H3-3A: variants seen among roughly 807,000 people sequenced by gnomAD.
The protein encoded by H3-3A is histone H3.3.
For synonymous variants in H3-3A, 49 were observed against 61.4 expected (o/e 0.80, Z 0.95); for missense variants, 7 against 184.0 (o/e 0.04, Z 5.57).
intron 2 of H3-3A, among the ~76,000 whole-genome samples, chr1:226,065,196 G>A (rs988993923): frequency 7.2e-5 from 11 of 152,218 alleles, no homozygotes; most frequent in Non-Finnish European, 1.5e-4. Flanking sequence ...TGTAGTCAGG[G>A]TAGAGGTATT....
At chr1:226,071,019 G>A (rs535923479) in intron 3 of H3-3A, among the ~76,000 whole-genome samples, 23 of 152,166 alleles carry the variant, frequency 1.5e-4, no homozygotes, top group Non-Finnish European at 3.1e-4. Flanking sequence ...AAGAATGAGA[G>A]TGTTAAATTG....
Position 226,065,671 on chromosome 1 carries a change from G to T in H3-3A, c.144G>T (p.Ala48=). The change falls in exon 3 of 4, where the codon GCG becomes GCT. Residue 48 remains alanine (A), a synonymous_variant. Coordinates refer to ENST00000366815, the MANE Select transcript of H3-3A (RefSeq NM_002107.7). ...TTTTTTAAAGGCCTGGTACTGTGGCGCTCCGTGAAATTAGACGTTATCAGA... is the reference window on the plus strand; with the variant it reads ...TTTTTTAAAGGCCTGGTACTGTGGCTCTCCGTGAAATTAGACGTTATCAGA... ...KPHRYRPGTV[A]LREIRRYQKS... The T allele has an allele frequency of 6.2e-7, 1 of 1,603,646 alleles. No homozygotes were observed. Among genetic ancestry groups the T allele is most frequent in the Non-Finnish European group, 8.5e-7 (1 of 1,172,646 alleles).
intron 2 of H3-3A, among the ~76,000 whole-genome samples, chr1:226,064,776 G>C (rs1472983142): frequency 6.6e-6 from 1 of 152,132 alleles, no homozygotes; most frequent in African/African-American, 2.4e-5. Flanking sequence ...TTAACTATTA[G>C]TAATTCTTTA....
intron 3 of H3-3A, among the ~76,000 whole-genome samples, chr1:226,071,005 T>TTA (rs1472569149): frequency 1.3e-5 from 2 of 152,150 alleles, no homozygotes; most frequent in African/African-American, 4.8e-5. Flanking sequence ...ATGATTGCGT[T>TTA]TATAAGAATG....
At position 226,064,333 on chromosome 1, in the gene H3-3A, G is replaced by C; in HGVS notation, c.-19G>C. The C allele has an allele frequency of 6.2e-7, 1 of 1,606,948 alleles. No homozygotes were observed. The highest frequency in any genetic ancestry group is 8.5e-7 in the Non-Finnish European group (1 of 1,176,618). The stretch of plus-strand genomic sequence containing the variant: ...TTGATTTTTCAATGCTGGTAGGTAA[G>C]TAAGGAGGTCTCTGTACCATGGCTC... On this transcript the variant is annotated 5_prime_UTR_variant, in exon 2 of 4. Coordinates refer to ENST00000366815, the MANE Select transcript of H3-3A (RefSeq NM_002107.7).
chr1:226,065,556 C>T, intron 2 of H3-3A, 100 bp from the exon 3 acceptor site: 1 of 795,772 alleles, frequency 1.3e-6, no homozygotes. Context: ...TGTTGGGTGG[C>T]TTATTTTTTG....
chr1:226,063,606 C>T (rs968032494), intron 1 of H3-3A, among the ~76,000 whole-genome samples: 4 of 152,038 alleles, frequency 2.6e-5, no homozygotes, highest in African/African-American at 9.7e-5. Context: ...GGTTGGGGGA[C>T]CCTGTGCCGA....
At position 226,064,315 on chromosome 1, in the gene H3-3A, T is replaced by C; in HGVS notation, c.-23-14T>C. 6.3e-7 allele frequency: 1 copy of C among 1,599,616 alleles called. No individual in the cohort carries two copies. Among genetic ancestry groups the C allele is most frequent in the South Asian group, 1.1e-5 (1 of 89,274 alleles). ...AGTTGCATATGGTGATTTTTGATTTTTCAATGCTGGTAGGTAAGTAAGGAG... is the reference window on the plus strand; with the variant it reads ...AGTTGCATATGGTGATTTTTGATTTCTCAATGCTGGTAGGTAAGTAAGGAG... On this transcript the variant is annotated splice_polypyrimidine_tract_variant and intron_variant, in intron 1 of 3. Coordinates refer to ENST00000366815, the MANE Select transcript of H3-3A (RefSeq NM_002107.7).
chr1:226,065,602 C>A, intron 2 of H3-3A, 54 bp from the exon 3 acceptor site: 20 of 1,354,122 alleles, frequency 1.5e-5, no homozygotes, highest in Non-Finnish European at 1.7e-5. Context: ...TGCCCACTTA[C>A]CTTTTTGTGC....
At chr1:226,068,352 G>A (rs971286281) in intron 3 of H3-3A, among the ~76,000 whole-genome samples, 1 of 152,200 alleles carries the variant, frequency 6.6e-6, no homozygotes, top group Non-Finnish European at 1.5e-5. Flanking sequence ...CATCTGAGTG[G>A]TTCTAAGTGA....
In H3-3A at chr1:226,071,367, A is replaced by C; in HGVS notation, c.299A>C (p.Tyr100Ser). 6.2e-7 allele frequency: 1 copy of C among 1,603,948 alleles called. No individual in the cohort carries two copies. The highest frequency in any genetic ancestry group is 8.5e-7 in the Non-Finnish European group (1 of 1,172,930). Residue 100 changes from tyrosine to serine, a missense_variant, in exon 4 of 4, where the codon TAT becomes TCT. Transcript: ENST00000366815. ...IGALQEASEA[Y>S]LVGLFEDTNL... ...CTTTTGCAGGAGGCAAGTGAGGCCT[A>C]TCTGGTTGGCCTTTTTGAAGACACC...
At chr1:226,064,279 G>C (rs963627758) in intron 1 of H3-3A, 50 bp from the exon 2 acceptor site, 1 of 1,351,048 alleles carries the variant, frequency 7.4e-7, no homozygotes, top group East Asian at 2.3e-5. Context: ...AGGAAAAGTT[G>C]TATGTTTGGT....
intron 3 of H3-3A, among the ~76,000 whole-genome samples, chr1:226,070,077 G>A (rs773750539): frequency 2.0e-5 from 3 of 152,146 alleles, no homozygotes; most frequent in Non-Finnish European, 4.4e-5. Context: ...CAGAGAAATC[G>A]ATACTAGTAC....
At chr1:226,069,780 G>A (rs745698200) in intron 3 of H3-3A, among the ~76,000 whole-genome samples, 4 of 152,146 alleles carry the variant, frequency 2.6e-5, no homozygotes, top group Non-Finnish European at 4.4e-5. Flanking sequence ...GCAGTGAGCC[G>A]AGGTTATACC....
intron 1 of H3-3A, among the ~76,000 whole-genome samples, chr1:226,063,494 C>T (rs529396951): frequency 6.6e-6 from 1 of 152,168 alleles, no homozygotes; most frequent in African/African-American, 2.4e-5. Context: ...GGTGTTTTGT[C>T]TCTTTGGAAC....
chr1:226,062,884 G>C (rs1157755079), intron 1 of H3-3A, 73 bp downstream of exon 1: 2 of 154,316 alleles, frequency 1.3e-5, no homozygotes, highest in Non-Finnish European at 2.9e-5. Context: ...GGGCCCTGGC[G>C]GTGCCGGGAG....
upstream of H3-3A, chr1:226,061,937 G>C (rs1273162266): frequency 6.6e-6 from 1 of 152,292 alleles, no homozygotes; most frequent in Admixed American, 6.5e-5. Context: ...CACCGGCGAG[G>C]GGCTGCCCTG....
At chr1:226,064,118 G>A (rs919307000) in intron 1 of H3-3A, 15 of 401,194 alleles carry the variant, frequency 3.7e-5, no homozygotes, top group Non-Finnish European at 7.0e-5. Context: ...AGAGGTGATT[G>A]ATACTGCTAA....
intron 3 of H3-3A, among the ~76,000 whole-genome samples, chr1:226,068,513 C>T (rs1333921495): frequency 6.6e-6 from 1 of 152,148 alleles, no homozygotes; most frequent in Non-Finnish European, 1.5e-5. Flanking sequence ...GATATAATAG[C>T]TGATATGCGT....
Sources: allele counts gnomAD v4.1 joint callset (sites outside exome capture counted in the v4.1 genomes callset), GRCh38; gene constraint gnomAD v4.1.1; transcripts MANE v1.5; gene names NCBI Gene and HGNC (gene_info 2026-07-23, HGNC 2026-07-21).